ZBTB38: variants seen among roughly 807,000 people sequenced by gnomAD.
ZBTB38 encodes zinc finger and BTB domain containing 38.
Under a neutral mutation model 76.8 loss-of-function variants are expected in ZBTB38, and 20 were observed. The ratio of observed to expected loss-of-function variants is 0.26; its 90% confidence interval spans 0.18 to 0.38. ZBTB38 has a LOEUF of 0.38. ZBTB38 is among the 10% of genes least tolerant of loss of function. ZBTB38 has a pLI of 1.00. For missense variants in ZBTB38, 1,082 were observed against 1,482.3 expected (o/e 0.73, Z 4.43); for synonymous variants, 504 against 544.2 (o/e 0.93, Z 1.03).
intron 1 of ZBTB38, among the ~76,000 whole-genome samples, chr3:141,342,122 C>G (rs13074489): frequency 0.025 from 3,809 of 152,140 alleles, 83 homozygotes; most frequent in Non-Finnish European, 0.035. Context: ...TTCAGGAGAT[C>G]GAGACTATCC....
chr3:141,384,627 G>C (rs188012361), intron 3 of ZBTB38, among the ~76,000 whole-genome samples: 2 of 152,214 alleles, frequency 1.3e-5, no homozygotes, highest in African/African-American at 4.8e-5. Flanking sequence ...ATAACTCAGC[G>C]TGATCATCTC....
intron 5 of ZBTB38, among the ~76,000 whole-genome samples, chr3:141,411,934 A>G (rs1956793860): frequency 6.6e-6 from 1 of 152,180 alleles, no homozygotes; most frequent in Non-Finnish European, 1.5e-5. Context: ...GTCACATTTG[A>G]AGAATCTCTT....
chr3:141,341,947 G>A (rs1290089863), intron 1 of ZBTB38, among the ~76,000 whole-genome samples: 1 of 150,486 alleles, frequency 6.6e-6, no homozygotes, highest in East Asian at 1.9e-4. Flanking sequence ...TTAAAAAAAA[G>A]CATACTGAAT....
chr3:141,431,341 A>AAAAATATATATATATAT, intron 5 of ZBTB38, among the ~76,000 whole-genome samples: 1 of 103,294 alleles, frequency 9.7e-6, no homozygotes, highest in Non-Finnish European at 1.7e-5. Context: ...AAAAAAAAAA[A>AAAAATATATATATATAT]ATATATATAT....
chr3:141,379,246 G>A (rs763129141), intron 2 of ZBTB38, among the ~76,000 whole-genome samples: 7 of 152,164 alleles, frequency 4.6e-5, no homozygotes, highest in Non-Finnish European at 8.8e-5. Flanking sequence ...ATTGCACAAG[G>A]CCATGGGCAT....
chr3:141,381,753 G>T (rs1449539747), intron 3 of ZBTB38, among the ~76,000 whole-genome samples: 2 of 152,182 alleles, frequency 1.3e-5, no homozygotes, highest in Non-Finnish European at 2.9e-5. Flanking sequence ...AGGATAGTCA[G>T]CTGGCCACCT....
chr3:141,428,620 T>C (rs2076845107), intron 5 of ZBTB38, among the ~76,000 whole-genome samples: 1 of 152,120 alleles, frequency 6.6e-6, no homozygotes, highest in Non-Finnish European at 1.5e-5. Flanking sequence ...CCCGAGTAGC[T>C]GGGATTACAG....
chr3:141,326,296 A>G (rs1212795186), intron 1 of ZBTB38, among the ~76,000 whole-genome samples: 2 of 152,222 alleles, frequency 1.3e-5, no homozygotes, highest in Admixed American at 6.5e-5. Context: ...TAATGTTTAC[A>G]TGACATTGAA....
intron 1 of ZBTB38, among the ~76,000 whole-genome samples, chr3:141,340,949 GGAAA>G (rs56095613): frequency 2.8e-3 from 311 of 111,984 alleles, no homozygotes; most frequent in South Asian, 7.2e-3. Context: ...AAAGAAAGAA[GGAAA>G]GAAAGAAAGA....
At chr3:141,410,390 G>A (rs1448130571) in intron 5 of ZBTB38, among the ~76,000 whole-genome samples, 1 of 152,106 alleles carries the variant, frequency 6.6e-6, no homozygotes, top group African/African-American at 2.4e-5. Flanking sequence ...AAACTAGCCC[G>A]ACCTCTTTGC....
At position 141,448,939 on chromosome 3, in the gene ZBTB38, A is replaced by G. The variant is rs1201154155; in HGVS notation, c.*2963A>G. 1.3e-5 allele frequency: 2 copies of G among 152,250 alleles called. No individual in the cohort carries two copies. Among genetic ancestry groups the G allele is most frequent in the African/African-American group, 4.8e-5 (2 of 41,468 alleles). 9.4% of individuals were successfully genotyped at this position (152,250 alleles called of 1,614,324 possible). A position where few individuals can be genotyped will look rare whatever the true frequency, so the allele number is the denominator to read the frequency against. On this transcript the variant is annotated 3_prime_UTR_variant, in exon 6 of 6. Transcript: ENST00000321464. Reference sequence around the variant, plus strand: ...GAGTGTTTTGGATAGGCCTGATCTTATAATGATAAATCAGAGAATGAAATG... The same window carrying G: ...GAGTGTTTTGGATAGGCCTGATCTTGTAATGATAAATCAGAGAATGAAATG...
intron 3 of ZBTB38, chr3:141,384,902 A>G (rs1946721647): frequency 6.6e-6 from 1 of 152,240 alleles, no homozygotes; most frequent in African/African-American, 2.4e-5. Context: ...GGACAACTCA[A>G]CTCAGAGACT....
chr3:141,341,807 G>T (rs1298800967), intron 1 of ZBTB38, among the ~76,000 whole-genome samples: 1 of 152,352 alleles, frequency 6.6e-6, no homozygotes, highest in East Asian at 1.9e-4. Context: ...CACACCAGCT[G>T]TGAAGACATT....
At chr3:141,436,195 C>T (rs2078745694) in intron 5 of ZBTB38, among the ~76,000 whole-genome samples, 1 of 152,202 alleles carries the variant, frequency 6.6e-6, no homozygotes, top group Non-Finnish European at 1.5e-5. Context: ...GTGAAAATGA[C>T]TGTCCCCCTC....
At chr3:141,405,199 A>G (rs1953938138) in intron 5 of ZBTB38, among the ~76,000 whole-genome samples, 1 of 152,220 alleles carries the variant, frequency 6.6e-6, no homozygotes, top group South Asian at 2.1e-4. Flanking sequence ...CATATTAGTC[A>G]TTTCCAGTCT....
chr3:141,334,362 C>T (rs1942945409), intron 1 of ZBTB38, among the ~76,000 whole-genome samples: 2 of 151,942 alleles, frequency 1.3e-5, no homozygotes, highest in African/African-American at 4.8e-5. Context: ...CCCTGCCTTC[C>T]TTCTTTCCTC....
chr3:141,441,574 C>G (rs2080227685), intron 5 of ZBTB38, among the ~76,000 whole-genome samples: 1 of 152,146 alleles, frequency 6.6e-6, no homozygotes, highest in Non-Finnish European at 1.5e-5. Flanking sequence ...CCCTGGTGGT[C>G]AGACTTGGTT....
At chr3:141,367,607 G>A (rs754646438), upstream of ZBTB38, 2 of 152,258 alleles carry the variant, frequency 1.3e-5, no homozygotes, top group Non-Finnish European at 2.9e-5. Flanking sequence ...AAAACAGGAT[G>A]TGAGATTAGA....
chr3:141,399,400 ACATTGCCT>A (rs1218201182), intron 4 of ZBTB38, among the ~76,000 whole-genome samples: 2 of 152,126 alleles, frequency 1.3e-5, no homozygotes, highest in Non-Finnish European at 2.9e-5. Flanking sequence ...TCTATTCTAA[ACATTGCCT>A]CTTCAAGGGC....
Sources: gnomAD v4.1 joint callset for allele counts (sites outside exome capture counted in the v4.1 genomes callset) on GRCh38, gnomAD v4.1.1 for gene constraint, MANE v1.5 for transcripts, NCBI Gene and HGNC (gene_info 2026-07-23, HGNC 2026-07-21) for gene names.